Variants in EXT1 observed in about 807,000 individuals in gnomAD.
The protein encoded by EXT1 is exostosin glycosyltransferase 1, also known as exostosin-1.
Under a neutral mutation model 82.5 loss-of-function variants are expected in EXT1, and 20 were observed. That is an observed-to-expected ratio of 0.24 (90% confidence interval 0.17 to 0.35). The LOEUF (loss-of-function observed/expected upper bound fraction) is 0.35. Ranked by LOEUF, EXT1 falls within the 10% of genes least tolerant of loss-of-function variation. The probability of loss-of-function intolerance (pLI) is 1.00; values close to 1 mark genes in which losing one functional copy is unlikely to be tolerated. For missense variants in EXT1, 757 were observed against 936.5 expected (o/e 0.81, Z 2.50); for synonymous variants, 348 against 350.8 (o/e 0.99, Z 0.09).
intron 1 of EXT1, among the ~76,000 whole-genome samples, chr8:118,068,368 G>C (rs1817028039): frequency 6.6e-6 from 1 of 152,232 alleles, no homozygotes; most frequent in Non-Finnish European, 1.5e-5. Context: ...GGGATGCACA[G>C]GTTTGTTACA....
intron 1 of EXT1, among the ~76,000 whole-genome samples, chr8:117,913,300 G>A (rs980093447): frequency 2.6e-5 from 4 of 152,012 alleles, no homozygotes; most frequent in African/African-American, 9.7e-5. Flanking sequence ...TGTCCCCTTC[G>A]CTAGAAATTA....
chr8:117,838,423 A>G (rs1254571475), intron 1 of EXT1, among the ~76,000 whole-genome samples: 1 of 152,152 alleles, frequency 6.6e-6, no homozygotes, highest in Non-Finnish European at 1.5e-5. Context: ...GCCAATTTTC[A>G]ATTATAAACC....
At chr8:117,802,583 T>C (rs909433480) in intron 10 of EXT1, among the ~76,000 whole-genome samples, 6 of 152,236 alleles carry the variant, frequency 3.9e-5, no homozygotes, top group African/African-American at 1.4e-4. Flanking sequence ...CTGTACCATA[T>C]AGGGCTGTGT....
At chr8:117,871,336 C>T (rs1188925418) in intron 1 of EXT1, among the ~76,000 whole-genome samples, 1 of 152,184 alleles carries the variant, frequency 6.6e-6, no homozygotes, top group East Asian at 1.9e-4. Flanking sequence ...TACTGGAATA[C>T]TCTGGCACCA....
At chr8:117,969,638 C>A (rs1481124447) in intron 1 of EXT1, among the ~76,000 whole-genome samples, 1 of 152,060 alleles carries the variant, frequency 6.6e-6, no homozygotes, top group African/African-American at 2.4e-5. Context: ...TGCGAGTCCC[C>A]TCCCTCATGT....
chr8:117,845,051 G>GGCC, intron 1 of EXT1, among the ~76,000 whole-genome samples: 1 of 152,248 alleles, frequency 6.6e-6, no homozygotes, highest in African/African-American at 2.4e-5. Flanking sequence ...CCAGGGCCAG[G>GGCC]AATTTATATT....
chr8:118,001,521 C>T (rs113509749), intron 1 of EXT1, among the ~76,000 whole-genome samples: 5,213 of 151,882 alleles, frequency 0.034, 301 homozygotes, highest in African/African-American at 0.12. Flanking sequence ...CATGCAGTAT[C>T]TACTGGTTTA....
intron 1 of EXT1, among the ~76,000 whole-genome samples, chr8:117,968,535 T>TTGACTGTAAACTACCTATTGTA (rs1586315311): frequency 6.9e-5 from 1 of 14,494 alleles, no homozygotes. Context: ...CCTTATTTAT[T>TTGACTGTAAACTACCTATTGTA]TATTTATTTA....
intron 1 of EXT1, among the ~76,000 whole-genome samples, chr8:118,009,108 G>A (rs1402955394): frequency 6.6e-6 from 1 of 152,220 alleles, no homozygotes; most frequent in East Asian, 1.9e-4. Context: ...GCTTACCAGG[G>A]ACAGAGGTTG....
intron 1 of EXT1, among the ~76,000 whole-genome samples, chr8:117,927,017 G>A (rs888643213): frequency 6.6e-6 from 1 of 152,200 alleles, no homozygotes; most frequent in African/African-American, 2.4e-5. Flanking sequence ...GACTCCTTCA[G>A]TGTGTCGTCC....
At chr8:118,035,791 G>A (rs1018341258) in intron 1 of EXT1, among the ~76,000 whole-genome samples, 1 of 152,148 alleles carries the variant, frequency 6.6e-6, no homozygotes, top group African/African-American at 2.4e-5. Context: ...CAATCTGTAA[G>A]TATTCTGTAT....
intron 10 of EXT1, among the ~76,000 whole-genome samples, chr8:117,800,504 C>T (rs1039380167): frequency 1.3e-5 from 2 of 152,136 alleles, no homozygotes; most frequent in South Asian, 2.1e-4. Context: ...TCTAAAACTC[C>T]GTTTTCTCTT....
chr8:117,831,890 T>C (rs1173895530), intron 3 of EXT1, among the ~76,000 whole-genome samples: 3 of 152,198 alleles, frequency 2.0e-5, no homozygotes, highest in Non-Finnish European at 2.9e-5. Context: ...CCAAAGTGTA[T>C]ACCTGGATTT....
At chr8:117,858,857 GAAAGAAAGAAAGAAAGAAAGAAAGAAA>G (rs1812630361) in intron 1 of EXT1, among the ~76,000 whole-genome samples, 1 of 55,994 alleles carries the variant, frequency 1.8e-5, no homozygotes, top group African/African-American at 5.8e-5. Context: ...AAGAAAGAAA[GAAAGAAAGAAAGAAAGAAAGAAAGAAA>G]GAAAGAAAGA....
At chr8:117,911,052 T>G (rs755208955) in intron 1 of EXT1, among the ~76,000 whole-genome samples, 2 of 152,186 alleles carry the variant, frequency 1.3e-5, no homozygotes, top group Non-Finnish European at 2.9e-5. Context: ...ACTGGCAAAG[T>G]GACCCTGACA....
chr8:117,841,649 T>C (rs1457382969), intron 1 of EXT1, among the ~76,000 whole-genome samples: 1 of 152,076 alleles, frequency 6.6e-6, no homozygotes, highest in Non-Finnish European at 1.5e-5. Context: ...TCCCCACGTG[T>C]AGGTAAAGAA....
chr8:117,941,176 G>A (rs999667222), intron 1 of EXT1, among the ~76,000 whole-genome samples: 1 of 152,246 alleles, frequency 6.6e-6, no homozygotes, highest in South Asian at 2.1e-4. Flanking sequence ...TCAGAGGCAA[G>A]TGGGGGAGCA....
intron 1 of EXT1, among the ~76,000 whole-genome samples, chr8:118,047,765 A>G (rs1816645891): frequency 6.6e-6 from 1 of 152,184 alleles, no homozygotes; most frequent in African/African-American, 2.4e-5. Context: ...TGGATGCCCC[A>G]TAGTTCTCTT....
chr8:117,974,630 C>A (rs1815029111), intron 1 of EXT1, among the ~76,000 whole-genome samples: 1 of 152,238 alleles, frequency 6.6e-6, no homozygotes, highest in African/African-American at 2.4e-5. Flanking sequence ...CCATGCCCAG[C>A]TAATTTTTGT....
Sources: allele counts gnomAD v4.1 joint callset (sites outside exome capture counted in the v4.1 genomes callset), GRCh38; gene constraint gnomAD v4.1.1; transcripts MANE v1.5; gene names NCBI Gene and HGNC (gene_info 2026-07-23, HGNC 2026-07-21).